FADS1: variants seen among roughly 807,000 people sequenced by gnomAD.
The protein encoded by FADS1 is acyl-CoA (8-3)-desaturase.
FADS1 carries 17 observed loss-of-function variants against 61.6 expected under a neutral mutation model. That is an observed-to-expected ratio of 0.28 (90% CI 0.19 to 0.41). The LOEUF (loss-of-function observed/expected upper bound fraction) is 0.41. Among genes scored for constraint, FADS1 ranks in the 10% least tolerant of loss-of-function variants. FADS1 has a pLI of 1.00. For synonymous variants in FADS1, 238 were observed against 258.7 expected, an observed-to-expected ratio of 0.92 and a Z score of 0.77; for missense variants, 387 against 650.9, an observed-to-expected ratio of 0.59 and a Z score of 4.41.
rs1301805037 is a variant in FADS1, at chr11:61,802,125, C to G, written c.*286G>C. The G allele has an allele frequency of 1.7e-5, 7 of 410,874 alleles. No homozygotes were observed. In the East Asian group the frequency reaches 2.8e-4, roughly 16 times the overall value. 25.5% of individuals were successfully genotyped at this position (410,874 alleles called of 1,614,324 possible). A position where few individuals can be genotyped will look rare whatever the true frequency, so the allele number is the denominator to read the frequency against. On this transcript the variant is annotated 3_prime_UTR_variant, in exon 12 of 12. Transcript: ENST00000350997. This position sits in a 1 kb window ranked among gnomAD's most constrained non-coding sequence, Gnocchi z 4.2. ...CCTCTTCTGTTACCCTCCTGGTTCT[C>G]TCTGTTCACCAACTACCTGCATGTG...
At chr11:61,806,606 T>TCATTCCCTCAG (rs2066896394) in intron 6 of FADS1, 58 bp downstream of exon 6, 14 of 1,469,770 alleles carry the variant, frequency 9.5e-6, no homozygotes, top group African/African-American at 2.8e-5. Flanking sequence ...CACATCCTCC[T>TCATTCCCTCAG]CATTCCCTCA....
At position 61,806,696 on chromosome 11, in the gene FADS1, G is replaced by A. The variant is rs770410678; in HGVS notation, c.944C>T (p.Pro315Leu). Residue 315 changes from proline to leucine, a missense_variant, in exon 6 of 12, where the codon CCG becomes CTG. Coordinates refer to ENST00000350997, the MANE Select transcript of FADS1 (RefSeq NM_013402.7). ...ELGKQKKKYM[P>L]YNHQHKYFFL... is the part of the protein sequence containing the mutation. ...GAAGTATTTGTGCTGGTGGTTGTAC[G>A]GCATATATTTTTTCTTCTGTTTCCC... 1.9e-6 allele frequency: 3 copies of A among 1,614,094 alleles called. No homozygotes were observed. Among genetic ancestry groups the A allele is most frequent in the African/African-American group, 1.3e-5 (1 of 75,036 alleles).
Position 61,815,273 on chromosome 11 carries a change from T to A in FADS1, c.375+1282A>T, listed in dbSNP as rs1478954365. 1 of 166,386 alleles carries A rather than the reference T, an allele frequency of 6.0e-6. No homozygotes were observed. Among genetic ancestry groups the A allele is most frequent in the Non-Finnish European group, 1.5e-5 (1 of 68,320 alleles). The allele number at this position is 166,386 out of a possible 1,614,324, so 10.3% of individuals were successfully genotyped here. On this transcript the variant is annotated intron_variant, in intron 1 of 11. Transcript: ENST00000350997. The surrounding 1 kb of genome is among the most constrained non-coding windows in gnomAD (Gnocchi z 6.4). Reference sequence around the variant, plus strand: ...ATCACACTGCGGGAAGCTCCAGCGTTGGTGCCTGTTTCGTCTGCGCATGCG... The same window carrying A: ...ATCACACTGCGGGAAGCTCCAGCGTAGGTGCCTGTTTCGTCTGCGCATGCG...
At chr11:61,809,183 T>C (rs1173775445) in intron 5 of FADS1, among the ~76,000 whole-genome samples, 1 of 152,196 alleles carries the variant, frequency 6.6e-6, no homozygotes, top group African/African-American at 2.4e-5. Flanking sequence ...ATTTTTGCAG[T>C]GTTGGCCCTT....
chr11:61,804,291 A>C (rs2066878859), intron 7 of FADS1: 1 of 211,876 alleles, frequency 4.7e-6, no homozygotes, highest in Non-Finnish European at 9.4e-6. Flanking sequence ...TCACAAAGCC[A>C]GGTGCAGTCA....
Position 61,807,062 on chromosome 11 carries a change from A to G in FADS1, c.916-338T>C, listed in dbSNP as rs576853011. Among the ~76,000 whole-genome samples, 4 of 151,832 alleles carry G rather than the reference A, an allele frequency of 2.6e-5. No individual in the cohort carries two copies. The East Asian group carries it at 5.8e-4, about 22-fold the overall frequency. On this transcript the variant is annotated intron_variant, in intron 5 of 11. Coordinates refer to ENST00000350997, the MANE Select transcript of FADS1 (RefSeq NM_013402.7). Reference sequence around the variant, plus strand: ...CCCACTGCCCTCTCCCCTTTCTCCCATCGTACTTTTTTGTTTATTTTTTAG... The same window carrying G: ...CCCACTGCCCTCTCCCCTTTCTCCCGTCGTACTTTTTTGTTTATTTTTTAG...
Position 61,803,189 on chromosome 11 carries a change from C to T in FADS1, c.1249-78G>A. The T allele has an allele frequency of 1.4e-6, 2 of 1,432,088 alleles. No individual in the cohort carries two copies. Among genetic ancestry groups the T allele is most frequent in the Non-Finnish European group, 2.0e-6 (2 of 1,018,340 alleles). The allele number at this position is 1,432,088 out of a possible 1,614,324, so 88.7% of individuals were successfully genotyped here. A position where few individuals can be genotyped will look rare whatever the true frequency, so the allele number is the denominator to read the frequency against. On this transcript the variant is annotated intron_variant, in intron 9 of 11. Transcript: ENST00000350997. The surrounding 1 kb of genome is among the most constrained non-coding windows in gnomAD (Gnocchi z 4.3). Reference sequence around the variant, plus strand: ...CCCAGCATTCTCCAGGTAAAGCTGGCTGAGGAAGGGACATGAGACTGTCTT... The same window carrying T: ...CCCAGCATTCTCCAGGTAAAGCTGGTTGAGGAAGGGACATGAGACTGTCTT...
chr11:61,802,552 A>G lies in FADS1; in HGVS notation c.1455-90T>C, dbSNP rs781156254. 2.2e-6 allele frequency: 3 copies of G among 1,342,528 alleles called. No individual in the cohort carries two copies. The highest frequency in any genetic ancestry group is 1.3e-5 in the South Asian group (1 of 79,826). 83.2% of individuals were successfully genotyped at this position (1,342,528 alleles called of 1,614,324 possible). A position where few individuals can be genotyped will look rare whatever the true frequency, so the allele number is the denominator to read the frequency against. On this transcript the variant is annotated intron_variant, in intron 11 of 11. Coordinates refer to ENST00000350997, the MANE Select transcript of FADS1 (RefSeq NM_013402.7). This position sits in a 1 kb window ranked among gnomAD's most constrained non-coding sequence, Gnocchi z 4.2. ...AGCAGTGAGGTTAAGGCCTTCTTCCATCTGGAGGTTTTCCTCCCCTCTACT... is the reference window on the plus strand; with the variant it reads ...AGCAGTGAGGTTAAGGCCTTCTTCCGTCTGGAGGTTTTCCTCCCCTCTACT...
chr11:61,810,919 C>G, intron 4 of FADS1, 40 bp from the exon 5 acceptor site: 1 of 1,614,118 alleles, frequency 6.2e-7, no homozygotes, highest in Non-Finnish European at 8.5e-7. Context: ...AAGCTTCCCC[C>G]AAGGCAGCCC....
At chr11:61,811,174 G>T in intron 3 of FADS1, 99 bp from the exon 4 acceptor site, 2 of 838,904 alleles carry the variant, frequency 2.4e-6, no homozygotes, top group South Asian at 1.5e-5. Flanking sequence ...TCCTTCATCT[G>T]CCAAGGCCTG....
chr11:61,806,914 AGT>A (rs1565319156), intron 5 of FADS1, among the ~76,000 whole-genome samples, 190 bp from the exon 6 acceptor site: 2 of 152,190 alleles, frequency 1.3e-5, no homozygotes, highest in Non-Finnish European at 2.9e-5. Context: ...TAATCTGCAG[AGT>A]GTGTCACACC....
intron 5 of FADS1, among the ~76,000 whole-genome samples, chr11:61,807,172 G>A (rs1294813586): frequency 3.3e-5 from 5 of 152,308 alleles, no homozygotes; most frequent in African/African-American, 7.2e-5. Context: ...GGGTTCAAGC[G>A]ATTCTCCTGC....
rs915177576 is a variant in FADS1 at position 61,815,207 on chromosome 11, C to A, written c.375+1348G>T. On this transcript the variant is annotated intron_variant, in intron 1 of 11. Coordinates refer to ENST00000350997, the MANE Select transcript of FADS1 (RefSeq NM_013402.7). The surrounding 1 kb of genome is among the most constrained non-coding windows in gnomAD (Gnocchi z 6.4). ...CCGGCGGCCGGTGGCACCACACATACGGACCAATCGCCGTCCCCGCCGCGG... is the reference window on the plus strand; with the variant it reads ...CCGGCGGCCGGTGGCACCACACATAAGGACCAATCGCCGTCCCCGCCGCGG... 1 of 165,576 alleles carries A rather than the reference C, an allele frequency of 6.0e-6. No individual in the cohort carries two copies. Among genetic ancestry groups the A allele is most frequent in the East Asian group, 1.9e-4 (1 of 5,234 alleles). 10.3% of individuals were successfully genotyped at this position (165,576 alleles called of 1,614,324 possible).
In FADS1 at chr11:61,816,071, C is replaced by G. The variant is rs115698269; in HGVS notation, c.375+484G>C. On this transcript the variant is annotated intron_variant, in intron 1 of 11. Transcript: ENST00000350997. This position sits in a 1 kb window ranked among gnomAD's most constrained non-coding sequence, Gnocchi z 7.0. Reference sequence around the variant, plus strand: ...CGAGAATGGGCTCCTTTCCTGCTCCCTCTCCGCTCCTGCTGGCGAGTGGAG... The same window carrying G: ...CGAGAATGGGCTCCTTTCCTGCTCCGTCTCCGCTCCTGCTGGCGAGTGGAG... The G allele has an allele frequency of 3.8e-5, 23 of 601,732 alleles. No homozygotes were observed. Among genetic ancestry groups the G allele is most frequent in the Non-Finnish European group, 6.7e-5 (23 of 341,514 alleles). 37.3% of individuals were successfully genotyped at this position (601,732 alleles called of 1,614,324 possible). A position where few individuals can be genotyped will look rare whatever the true frequency, so the allele number is the denominator to read the frequency against.
chr11:61,803,264 A>G lies in FADS1; in HGVS notation c.1248+99T>C. 1 of 1,276,630 alleles carries G rather than the reference A, an allele frequency of 7.8e-7. No individual in the cohort carries two copies. The highest frequency in any genetic ancestry group is 1.1e-6 in the Non-Finnish European group (1 of 873,404). 79.1% of individuals were successfully genotyped at this position (1,276,630 alleles called of 1,614,324 possible). A position where few individuals can be genotyped will look rare whatever the true frequency, so the allele number is the denominator to read the frequency against. On this transcript the variant is annotated intron_variant, in intron 9 of 11. Transcript: ENST00000350997. This position sits in a 1 kb window ranked among gnomAD's most constrained non-coding sequence, Gnocchi z 4.3. ...GAACAAGAGCCTCAGGCTAATGAGA[A>G]AATGCTGTTTGGGGGACTTTTTGTT...
At chr11:61,807,333 G>C (rs986181187) in intron 5 of FADS1, among the ~76,000 whole-genome samples, 1 of 152,190 alleles carries the variant, frequency 6.6e-6, no homozygotes, top group African/African-American at 2.4e-5. Flanking sequence ...CTCCCAGAGT[G>C]CTGGGATTAC....
At position 61,804,698 on chromosome 11, in the gene FADS1, C is replaced by T. The variant is rs1188442891; in HGVS notation, c.1040G>A (p.Arg347Gln). The change falls in exon 7 of 12, where the codon CGA becomes CAA. Residue 347 changes from arginine (R) to glutamine (Q), a missense_variant. Transcript: ENST00000350997. ...QWYIFYFVIQ[R>Q]KKWVDLAWMI... ...ATGGATACTCACCACCCACTTCTTT[C>T]GCTGGATAACAAAATAGAAAATATA... 5 of 1,613,894 alleles carry T rather than the reference C, an allele frequency of 3.1e-6. No individual in the cohort carries two copies. The highest frequency in any genetic ancestry group is 1.7e-5 in the Admixed American group (1 of 59,990).
At chr11:61,811,204 G>A in intron 3 of FADS1, 129 bp from the exon 4 acceptor site, 1 of 662,062 alleles carries the variant, frequency 1.5e-6, no homozygotes, top group South Asian at 1.8e-5. Flanking sequence ...TCAGGAGTCA[G>A]GAAACATGGG....
At chr11:61,810,938 C>T (rs748000482) in intron 4 of FADS1, 36 bp downstream of exon 4, 1 of 1,614,148 alleles carries the variant, frequency 6.2e-7, no homozygotes, top group Non-Finnish European at 8.5e-7. Flanking sequence ...CCTTCATTGC[C>T]TGGAGTTTTA....
Sources: allele counts gnomAD v4.1 joint callset (sites outside exome capture counted in the v4.1 genomes callset), GRCh38; gene constraint gnomAD v4.1.1; non-coding constraint Gnocchi (gnomAD v3.1); transcripts MANE v1.5; gene names NCBI Gene and HGNC (gene_info 2026-07-23, HGNC 2026-07-21).